Variants in LRP1B observed in about 807,000 individuals in gnomAD.
The protein encoded by LRP1B is LDL receptor related protein 1B.
Under a neutral mutation model 556.6 loss-of-function variants are expected in LRP1B, and 217 were observed. The observed-to-expected ratio is 0.39, with a 90% CI of 0.35 to 0.44. LRP1B has a LOEUF of 0.44. LRP1B is among the 20% of genes least tolerant of loss of function. The pLI, the probability that LRP1B is intolerant of heterozygous loss-of-function variation, is 1.00. For synonymous variants in LRP1B, 2,047 were observed against 1,865.8 expected, an observed-to-expected ratio of 1.10 and a Z score of -2.50; for missense variants, 5,053 against 5,620.8, an observed-to-expected ratio of 0.90 and a Z score of 3.23.
chr2:141,768,459 T>A, intron 2 of LRP1B, among the ~76,000 whole-genome samples: 1 of 152,064 alleles, frequency 6.6e-6, no homozygotes, highest in East Asian at 1.9e-4. Flanking sequence ...TTTTAAAGGG[T>A]TTTTTAATTT....
chr2:141,888,817 A>G (rs1479614041), intron 1 of LRP1B, among the ~76,000 whole-genome samples: 1 of 152,162 alleles, frequency 6.6e-6, no homozygotes, highest in African/African-American at 2.4e-5. Context: ...GAGGTTGGAA[A>G]TCAGGTAATG....
At chr2:141,441,299 A>C (rs1056880418) in intron 3 of LRP1B, among the ~76,000 whole-genome samples, 4 of 152,020 alleles carry the variant, frequency 2.6e-5, no homozygotes, top group African/African-American at 7.2e-5. Flanking sequence ...GCTAGTCTTG[A>C]ACGCCTGACT....
At chr2:140,467,612 C>CAAAA (rs36060070) in intron 60 of LRP1B, among the ~76,000 whole-genome samples, 2 of 85,928 alleles carry the variant, frequency 2.3e-5, no homozygotes, top group Non-Finnish European at 2.3e-5. Context: ...AACTCCATCT[C>CAAAA]AAAAAAAAAA....
intron 6 of LRP1B, among the ~76,000 whole-genome samples, chr2:141,219,279 G>A (rs1019872925): frequency 1.3e-5 from 2 of 152,190 alleles, no homozygotes; most frequent in African/African-American, 4.8e-5. Flanking sequence ...GGGAGATCGG[G>A]CAGTTTAAAC....
intron 41 of LRP1B, among the ~76,000 whole-genome samples, chr2:140,629,957 A>G (rs1029066074): frequency 6.6e-6 from 1 of 152,250 alleles, no homozygotes; most frequent in Non-Finnish European, 1.5e-5. Context: ...ATACCACAGA[A>G]ATATGGATGA....
chr2:140,385,703 T>G (rs1390529932), intron 67 of LRP1B, among the ~76,000 whole-genome samples, 190 bp downstream of exon 67: 1 of 152,198 alleles, frequency 6.6e-6, no homozygotes, highest in Admixed American at 6.6e-5. Context: ...ACTCTTAGGA[T>G]AAGCATTTCA....
chr2:141,044,984 A>G (rs937463281), intron 11 of LRP1B, among the ~76,000 whole-genome samples: 5 of 151,288 alleles, frequency 3.3e-5, no homozygotes, highest in African/African-American at 1.2e-4. Context: ...TGTTTATTGC[A>G]GCATTATTCA....
At chr2:141,888,113 T>C (rs532109188) in intron 1 of LRP1B, among the ~76,000 whole-genome samples, 6 of 152,198 alleles carry the variant, frequency 3.9e-5, no homozygotes, top group Non-Finnish European at 7.3e-5. Context: ...ATGACTCTCA[T>C]CAGGAATTAT....
intron 7 of LRP1B, among the ~76,000 whole-genome samples, chr2:141,098,262 A>T (rs2104931402): frequency 6.6e-6 from 1 of 152,204 alleles, no homozygotes; most frequent in South Asian, 2.1e-4. Flanking sequence ...AAAATAAAAT[A>T]TCATATATGA....
intron 43 of LRP1B, among the ~76,000 whole-genome samples, chr2:140,543,802 C>T (rs1365861294): frequency 2.0e-5 from 3 of 151,880 alleles, no homozygotes; most frequent in Non-Finnish European, 4.4e-5. Flanking sequence ...ACAAATGCTG[C>T]TAGAATGAAT....
At chr2:140,266,365 T>C (rs1351679422) in intron 86 of LRP1B, among the ~76,000 whole-genome samples, 1 of 152,082 alleles carries the variant, frequency 6.6e-6, no homozygotes, top group Non-Finnish European at 1.5e-5. Context: ...CTCCTTTGAT[T>C]TGTAGGAATC....
intron 3 of LRP1B, among the ~76,000 whole-genome samples, chr2:141,452,734 C>T (rs552848182): frequency 1.3e-5 from 2 of 152,252 alleles, no homozygotes; most frequent in African/African-American, 4.8e-5. Context: ...CTCAGTCACC[C>T]CTGGATGATA....
chr2:140,811,400 A>G (rs1481348884), intron 32 of LRP1B, among the ~76,000 whole-genome samples: 1 of 152,344 alleles, frequency 6.6e-6, no homozygotes, highest in East Asian at 1.9e-4. Flanking sequence ...CAGCAGCAAT[A>G]TTAGCAGAAA....
At chr2:141,486,205 T>C (rs1296952635) in intron 2 of LRP1B, among the ~76,000 whole-genome samples, 1 of 152,156 alleles carries the variant, frequency 6.6e-6, no homozygotes, top group Non-Finnish European at 1.5e-5. Flanking sequence ...GTGACCCAAA[T>C]TATATCAACA....
chr2:141,392,395 A>T (rs994648298), intron 3 of LRP1B, among the ~76,000 whole-genome samples: 1 of 151,504 alleles, frequency 6.6e-6, no homozygotes, highest in Non-Finnish European at 1.5e-5. Flanking sequence ...TGGTAAAAAA[A>T]CAAATCATCC....
At chr2:140,531,857 T>G (rs892649910) in intron 47 of LRP1B, among the ~76,000 whole-genome samples, 1 of 152,320 alleles carries the variant, frequency 6.6e-6, no homozygotes, top group South Asian at 2.1e-4. Context: ...TTGAAAATGC[T>G]GAATGATCCT....
At chr2:141,471,268 A>ATGTTT (rs1553518973) in intron 3 of LRP1B, among the ~76,000 whole-genome samples, 21 of 31,888 alleles carry the variant, frequency 6.6e-4, no homozygotes, top group South Asian at 2.4e-3. Context: ...ATACCCTGGT[A>ATGTTT]TTTTTTTTTT....
intron 80 of LRP1B, among the ~76,000 whole-genome samples, chr2:140,325,167 G>A (rs1680408325): frequency 6.6e-6 from 1 of 151,982 alleles, no homozygotes; most frequent in Admixed American, 6.6e-5. Flanking sequence ...CAGCCAGGCA[G>A]AGAAAAAGTA....
chr2:142,004,867 C>A (rs1028352846), intron 1 of LRP1B, among the ~76,000 whole-genome samples: 5 of 151,902 alleles, frequency 3.3e-5, no homozygotes, highest in East Asian at 1.9e-4. Context: ...AAACAAAAAA[C>A]CCCACAGTTG....
Sources: gnomAD v4.1 joint callset for allele counts (sites outside exome capture counted in the v4.1 genomes callset) on GRCh38, gnomAD v4.1.1 for gene constraint, MANE v1.5 for transcripts, NCBI Gene and HGNC (gene_info 2026-07-23, HGNC 2026-07-21) for gene names.